ULK4: variants seen among roughly 807,000 people sequenced by gnomAD.
ULK4 encodes inactive serine/threonine-protein kinase ULK4.
ULK4 carries 133 observed loss-of-function variants against 160.6 expected under a neutral mutation model. That is an observed-to-expected ratio of 0.83 (90% CI 0.72 to 0.96). The LOEUF is 0.96. Ranked by LOEUF, ULK4 falls within the 40% of genes least tolerant of loss-of-function variation. The pLI is 0.00. For synonymous variants in ULK4, 534 were observed against 539.8 expected, an observed-to-expected ratio of 0.99 and a Z score of 0.15; for missense variants, 1,580 against 1,499.5, an observed-to-expected ratio of 1.05 and a Z score of -0.89.
intron 22 of ULK4, among the ~76,000 whole-genome samples, chr3:41,721,411 T>C (rs1178065803): frequency 7.4e-6 from 1 of 135,340 alleles, no homozygotes; most frequent in African/African-American, 2.8e-5. Context: ...TCACCCCTGC[T>C]GGAGTGCATG....
At chr3:41,839,431 A>G (rs886427620) in intron 17 of ULK4, among the ~76,000 whole-genome samples, 12 of 149,090 alleles carry the variant, frequency 8.0e-5, no homozygotes, top group African/African-American at 2.9e-4. Flanking sequence ...TACATATAAT[A>G]TATACATTGT....
intron 31 of ULK4, among the ~76,000 whole-genome samples, chr3:41,599,376 C>G (rs1436357064): frequency 2.0e-5 from 3 of 152,056 alleles, no homozygotes; most frequent in Admixed American, 6.5e-5. Context: ...AACCTTAATT[C>G]TATCTGGAAC....
At chr3:41,369,558 C>A (rs1451070205) in intron 35 of ULK4, among the ~76,000 whole-genome samples, 1 of 151,040 alleles carries the variant, frequency 6.6e-6, no homozygotes, top group Non-Finnish European at 1.5e-5. Flanking sequence ...TTTGAGAGGC[C>A]AAGGTGGGTG....
chr3:41,855,481 TG>T (rs1470076456), intron 17 of ULK4, among the ~76,000 whole-genome samples: 3 of 152,218 alleles, frequency 2.0e-5, no homozygotes, highest in Non-Finnish European at 4.4e-5. Flanking sequence ...ACCACAACTA[TG>T]CCTCCTATAT....
At chr3:41,578,251 G>A (rs948908104) in intron 31 of ULK4, among the ~76,000 whole-genome samples, 1 of 152,124 alleles carries the variant, frequency 6.6e-6, no homozygotes, top group Non-Finnish European at 1.5e-5. Context: ...TTTATGATAT[G>A]TTTAAAAATC....
intron 19 of ULK4, among the ~76,000 whole-genome samples, chr3:41,806,819 G>T (rs1246336836): frequency 6.6e-6 from 1 of 152,100 alleles, no homozygotes; most frequent in Non-Finnish European, 1.5e-5. Context: ...TGCTCATAAT[G>T]ACACCATTAA....
chr3:41,895,245 C>CT (rs1373512618), intron 16 of ULK4, among the ~76,000 whole-genome samples: 4 of 152,118 alleles, frequency 2.6e-5, no homozygotes, highest in African/African-American at 9.6e-5. Context: ...GACCTTGTCT[C>CT]TAAGAAAATA....
chr3:41,574,449 T>C (rs553605140), intron 31 of ULK4, among the ~76,000 whole-genome samples: 1 of 151,134 alleles, frequency 6.6e-6, no homozygotes, highest in Non-Finnish European at 1.5e-5. Flanking sequence ...CATCAGGCAA[T>C]TGGCATCCTT....
chr3:41,649,119 C>T (rs1180744295), intron 30 of ULK4, among the ~76,000 whole-genome samples: 1 of 151,660 alleles, frequency 6.6e-6, no homozygotes, highest in Non-Finnish European at 1.5e-5. Flanking sequence ...CAGAGTGAGA[C>T]CCTGTATCCA....
chr3:41,249,320 G>T (rs575524737), intron 36 of ULK4, among the ~76,000 whole-genome samples, 169 bp downstream of exon 36: 29 of 152,338 alleles, frequency 1.9e-4, no homozygotes, highest in African/African-American at 6.7e-4. Context: ...AGTGTGTGGA[G>T]TGGCAGAGCT....
intron 22 of ULK4, among the ~76,000 whole-genome samples, chr3:41,737,644 A>G (rs1263735073): frequency 1.3e-5 from 2 of 151,912 alleles, no homozygotes; most frequent in Non-Finnish European, 2.9e-5. Flanking sequence ...TTTAATTTAT[A>G]ACTGTTGTTT....
At chr3:41,293,441 C>T (rs1291142290) in intron 35 of ULK4, among the ~76,000 whole-genome samples, 1 of 152,148 alleles carries the variant, frequency 6.6e-6, no homozygotes, top group Non-Finnish European at 1.5e-5. Context: ...GGGCCAGTCA[C>T]AGACCTTGAG....
At chr3:41,466,317 G>A (rs1353223336) in intron 32 of ULK4, among the ~76,000 whole-genome samples, 1 of 152,126 alleles carries the variant, frequency 6.6e-6, no homozygotes, top group Non-Finnish European at 1.5e-5. Context: ...GAGATAGTAA[G>A]TATCTGTCTC....
At chr3:41,589,524 T>C (rs903475902) in intron 31 of ULK4, among the ~76,000 whole-genome samples, 3 of 151,190 alleles carry the variant, frequency 2.0e-5, no homozygotes, top group African/African-American at 7.3e-5. Context: ...AGGGAATCAC[T>C]GGAGTTCTCA....
intron 32 of ULK4, among the ~76,000 whole-genome samples, chr3:41,558,226 G>A (rs1156571676): frequency 6.6e-6 from 1 of 152,078 alleles, no homozygotes; most frequent in Non-Finnish European, 1.5e-5. Context: ...TACCACTGAG[G>A]CTGTGGTTAA....
chr3:41,632,076 C>T (rs1023231465), intron 30 of ULK4, among the ~76,000 whole-genome samples: 1 of 152,148 alleles, frequency 6.6e-6, no homozygotes, highest in Non-Finnish European at 1.5e-5. Context: ...AGACATGATT[C>T]TGTATTCATC....
At chr3:41,512,011 A>T (rs1428979963) in intron 32 of ULK4, among the ~76,000 whole-genome samples, 1 of 152,216 alleles carries the variant, frequency 6.6e-6, no homozygotes, top group East Asian at 1.9e-4. Flanking sequence ...CCACATAAAC[A>T]GAATTAAAAA....
chr3:41,700,837 C>T (rs1191451028), intron 27 of ULK4, among the ~76,000 whole-genome samples: 1 of 152,032 alleles, frequency 6.6e-6, no homozygotes, highest in Non-Finnish European at 1.5e-5. Context: ...AAGTCACGCA[C>T]TAGAAAATAT....
intron 32 of ULK4, among the ~76,000 whole-genome samples, chr3:41,498,113 T>C (rs1029080715): frequency 1.3e-5 from 2 of 152,192 alleles, no homozygotes; most frequent in Non-Finnish European, 2.9e-5. Context: ...TCTTTCCAAG[T>C]ATACATGAAA....
Sources: allele counts gnomAD v4.1 joint callset (sites outside exome capture counted in the v4.1 genomes callset), GRCh38; gene constraint gnomAD v4.1.1; transcripts MANE v1.5; gene names NCBI Gene and HGNC (gene_info 2026-07-23, HGNC 2026-07-21).